FHIT: variants seen among roughly 807,000 people sequenced by gnomAD.
The protein encoded by FHIT is bis(5'-adenosyl)-triphosphatase.
FHIT carries 19 observed loss-of-function variants against 17.9 expected under a neutral mutation model. The ratio of observed to expected loss-of-function variants is 1.06; its 90% confidence interval spans 0.74 to 1.56. FHIT has a LOEUF of 1.56. FHIT is among the 40% of genes most tolerant of loss of function. The pLI is 0.00. For synonymous variants in FHIT, 81 were observed against 69.7 expected (o/e 1.16, Z -0.81); for missense variants, 248 against 189.2 (o/e 1.31, Z -1.82).
intron 3 of FHIT, among the ~76,000 whole-genome samples, chr3:61,018,848 C>T (rs538436015): frequency 1.3e-5 from 2 of 152,264 alleles, no homozygotes; most frequent in Admixed American, 6.5e-5. Flanking sequence ...CCTGTTGAAA[C>T]TATTTCCATT....
intron 4 of FHIT, among the ~76,000 whole-genome samples, chr3:60,590,785 G>A (rs1266752454): frequency 6.6e-6 from 1 of 152,046 alleles, no homozygotes; most frequent in Non-Finnish European, 1.5e-5. Flanking sequence ...CCCTGCACTC[G>A]AGTTAGGAAG....
At chr3:60,082,386 C>T (rs1392831697) in intron 5 of FHIT, among the ~76,000 whole-genome samples, 1 of 152,028 alleles carries the variant, frequency 6.6e-6, no homozygotes, top group African/African-American at 2.4e-5. Flanking sequence ...TGATGGGCAC[C>T]TAAGTTGATT....
At chr3:60,827,132 T>C (rs969350095) in intron 3 of FHIT, among the ~76,000 whole-genome samples, 3 of 152,364 alleles carry the variant, frequency 2.0e-5, no homozygotes, top group African/African-American at 7.2e-5. Context: ...TGAAGAATGT[T>C]CCTTCTCTTC....
At chr3:60,271,507 T>A (rs2107628178) in intron 5 of FHIT, among the ~76,000 whole-genome samples, 1 of 152,318 alleles carries the variant, frequency 6.6e-6, no homozygotes, top group African/African-American at 2.4e-5. Context: ...TCTCTGATAA[T>A]GGATTTGTTC....
chr3:60,652,415 A>AAC lies in FHIT; in HGVS notation c.-17-115438_-17-115437dup, dbSNP rs1191086290. Among the ~76,000 whole-genome samples the AAC allele has an allele frequency of 1.7e-4, 26 of 152,304 alleles. 1 individual carries two copies. The highest frequency in any genetic ancestry group is 6.3e-4 in the African/African-American group (26 of 41,568). On this transcript the variant is annotated intron_variant, in intron 4 of 9. Transcript: ENST00000492590. ...TTGGGAGTTCGAGACCAGCCTGGTC[A>AAC]ACACGGTGAAATCCCATCTCTACTA...
chr3:60,060,290 G>A (rs1051799348), intron 5 of FHIT, among the ~76,000 whole-genome samples: 2 of 152,032 alleles, frequency 1.3e-5, no homozygotes, highest in South Asian at 4.1e-4. Flanking sequence ...CAACTTTCTA[G>A]CTATCTCAAA....
chr3:60,637,914 A>T (rs1350968743), intron 4 of FHIT, among the ~76,000 whole-genome samples: 1 of 152,166 alleles, frequency 6.6e-6, no homozygotes, highest in Non-Finnish European at 1.5e-5. Context: ...GACATGATGA[A>T]TTGGCAAATT....
chr3:61,066,939 A>G (rs2034632190), intron 2 of FHIT, among the ~76,000 whole-genome samples: 1 of 152,192 alleles, frequency 6.6e-6, no homozygotes, highest in African/African-American at 2.4e-5. Context: ...TGTCCATCTG[A>G]TAGAAGGCTG....
chr3:60,174,301 G>A (rs1307326700), intron 5 of FHIT, among the ~76,000 whole-genome samples: 1 of 151,922 alleles, frequency 6.6e-6, no homozygotes, highest in Non-Finnish European at 1.5e-5. Context: ...TTGGGTAAGG[G>A]ACCCACCCAA....
intron 3 of FHIT, among the ~76,000 whole-genome samples, chr3:60,936,462 AT>A (rs1708194447): frequency 6.6e-6 from 1 of 152,222 alleles, no homozygotes; most frequent in Non-Finnish European, 1.5e-5. Flanking sequence ...TGACGAATAC[AT>A]TAGGGCAGAT....
intron 3 of FHIT, among the ~76,000 whole-genome samples, chr3:60,925,659 G>A (rs1707556522): frequency 6.6e-6 from 1 of 152,096 alleles, no homozygotes; most frequent in South Asian, 2.1e-4. Flanking sequence ...CAACTAATGA[G>A]CAAAATAACC....
chr3:59,857,273 C>G (rs146056290), intron 8 of FHIT, among the ~76,000 whole-genome samples: 131 of 152,266 alleles, frequency 8.6e-4, no homozygotes, highest in African/African-American at 2.9e-3. Flanking sequence ...TGTCATTTCT[C>G]CATCTCTGCG....
At position 59,952,744 on chromosome 3, in the gene FHIT, C is replaced by T. The variant is rs141773595; in HGVS notation, c.280-30330G>A. ...CTAATTTCTTTTTCTTGGAACCAAG[C>T]GCTGGTTCTGCATTTGAACACAAGT... On this transcript the variant is annotated intron_variant, in intron 7 of 9. Transcript: ENST00000492590. Among the ~76,000 whole-genome samples the T allele has an allele frequency of 2.4e-3, 370 of 152,282 alleles. 2 individuals are homozygous for T. The highest frequency in any genetic ancestry group is 8.3e-3 in the African/African-American group (345 of 41,552).
rs908961627 is a variant in FHIT at position 60,321,630 on chromosome 3, G to A, written c.103+215230C>T. ...TGTAGGAGAACTGCTGAAATCTGAGGATCTCCTCTCTCTGTATATATTTAA... is the reference window on the plus strand; with the variant it reads ...TGTAGGAGAACTGCTGAAATCTGAGAATCTCCTCTCTCTGTATATATTTAA... On this transcript the variant is annotated intron_variant, in intron 5 of 9. Coordinates refer to ENST00000492590, the MANE Select transcript of FHIT (RefSeq NM_002012.4). Among the ~76,000 whole-genome samples, 6 of 152,262 alleles carry A rather than the reference G, an allele frequency of 3.9e-5. 2 individuals carry two copies. The South Asian group carries it at 1.2e-3, about 32-fold the overall frequency.
chr3:60,932,709 T>C (rs374992922), intron 3 of FHIT, among the ~76,000 whole-genome samples: 2 of 152,228 alleles, frequency 1.3e-5, no homozygotes, highest in African/African-American at 2.4e-5. Context: ...CCATCTTTTT[T>C]GGTTCCCTTA....
At chr3:59,946,837 C>T (rs766227694) in intron 7 of FHIT, among the ~76,000 whole-genome samples, 5 of 152,288 alleles carry the variant, frequency 3.3e-5, no homozygotes, top group Non-Finnish European at 7.4e-5. Flanking sequence ...TATATTGAGT[C>T]AACCTTGCAT....
At chr3:60,590,131 TAATTC>T (rs2038037073) in intron 4 of FHIT, among the ~76,000 whole-genome samples, 1 of 152,098 alleles carries the variant, frequency 6.6e-6, no homozygotes, top group Admixed American at 6.6e-5. Flanking sequence ...TTTAAAATTG[TAATTC>T]AATTAGAAAT....
At chr3:59,857,299 A>C (rs886905971) in intron 8 of FHIT, among the ~76,000 whole-genome samples, 14 of 152,148 alleles carry the variant, frequency 9.2e-5, no homozygotes, top group Non-Finnish European at 1.5e-4. Context: ...AACCTTAAGC[A>C]CTAATGAGAT....
chr3:60,058,730 C>T (rs536997999), intron 5 of FHIT, among the ~76,000 whole-genome samples: 4 of 152,268 alleles, frequency 2.6e-5, no homozygotes, highest in Non-Finnish European at 5.9e-5. Flanking sequence ...ATAGTGACAG[C>T]TAGCAACACT....
Sources: allele counts gnomAD v4.1 joint callset (sites outside exome capture counted in the v4.1 genomes callset), GRCh38; gene constraint gnomAD v4.1.1; transcripts MANE v1.5; gene names NCBI Gene and HGNC (gene_info 2026-07-23, HGNC 2026-07-21).